FARSB: variants seen among roughly 807,000 people sequenced by gnomAD.
FARSB encodes the protein phenylalanine--tRNA ligase beta subunit.
FARSB carries 40 observed loss-of-function variants against 69.6 expected under a neutral mutation model. That is an observed-to-expected ratio of 0.57 (90% CI 0.45 to 0.75). FARSB has a LOEUF of 0.75. FARSB is among the 30% of genes least tolerant of loss of function. The pLI, the probability that FARSB is intolerant of heterozygous loss-of-function variation, is 0.00. For synonymous variants in FARSB, 235 were observed against 247.2 expected, an observed-to-expected ratio of 0.95 and a Z score of 0.46; for missense variants, 632 against 722.9, an observed-to-expected ratio of 0.87 and a Z score of 1.44.
At chr2:222,628,797 A>C in intron 10 of FARSB, 40 bp downstream of exon 10, 1 of 1,360,278 alleles carries the variant, frequency 7.4e-7, no homozygotes, top group Non-Finnish European at 1.0e-6. Context: ...TATTATTAGC[A>C]TTGTTGTCAT....
rs1362807015 is a variant in FARSB at position 222,571,422 on chromosome 2, C to T, written c.*449G>A. 6.6e-6 allele frequency: 1 copy of T among 152,408 alleles called. No homozygotes were observed. Among genetic ancestry groups the T allele is most frequent in the East Asian group, 1.9e-4 (1 of 5,204 alleles). 9.4% of individuals were successfully genotyped at this position (152,408 alleles called of 1,614,324 possible). A position where few individuals can be genotyped will look rare whatever the true frequency, so the allele number is the denominator to read the frequency against. Reference sequence around the variant, plus strand: ...TTTTAGTGTTTCTCAATGATGAATACATGTCAAATGTAGAAAATCAAAGCT... The same window carrying T: ...TTTTAGTGTTTCTCAATGATGAATATATGTCAAATGTAGAAAATCAAAGCT... On this transcript the variant is annotated 3_prime_UTR_variant, in exon 17 of 17. Coordinates refer to ENST00000281828, the MANE Select transcript of FARSB (RefSeq NM_005687.5).
chr2:222,620,688 C>T (rs1340138516), intron 13 of FARSB, among the ~76,000 whole-genome samples: 1 of 152,176 alleles, frequency 6.6e-6, no homozygotes, highest in Admixed American at 6.5e-5. Flanking sequence ...TTAATGCTAG[C>T]TTTTTGAAAA....
chr2:222,591,005 A>T (rs1353285312), intron 16 of FARSB, among the ~76,000 whole-genome samples: 1 of 152,176 alleles, frequency 6.6e-6, no homozygotes, highest in Non-Finnish European at 1.5e-5. Flanking sequence ...AGATAAACTC[A>T]ATAAACTCAT....
At chr2:222,644,332 A>G (rs1243475650) in intron 2 of FARSB, among the ~76,000 whole-genome samples, 1 of 152,112 alleles carries the variant, frequency 6.6e-6, no homozygotes, top group African/African-American at 2.4e-5. Flanking sequence ...TCTCAAACTT[A>G]GGAGGCAAAT....
At chr2:222,610,585 G>A (rs1690823277) in intron 15 of FARSB, among the ~76,000 whole-genome samples, 1 of 152,066 alleles carries the variant, frequency 6.6e-6, no homozygotes, top group Admixed American at 6.6e-5. Flanking sequence ...GGCCCCAAGT[G>A]CCTCAGCAAG....
intron 9 of FARSB, 43 bp downstream of exon 9, chr2:222,630,070 T>A: frequency 8.1e-7 from 1 of 1,227,540 alleles, no homozygotes; most frequent in Admixed American, 2.0e-5. Flanking sequence ...AAGCCTCGCC[T>A]TCAGAACAAT....
chr2:222,651,988 C>A (rs182682574), intron 1 of FARSB, among the ~76,000 whole-genome samples: 1 of 152,316 alleles, frequency 6.6e-6, no homozygotes, highest in East Asian at 1.9e-4. Flanking sequence ...CCACTTGATT[C>A]CAGAATTGCC....
rs1159034755 is a variant in FARSB at position 222,568,849 on chromosome 2, AAAAC to A, written c.*3018_*3021del. The A allele has an allele frequency of 6.6e-6, 1 of 152,352 alleles. No individual in the cohort carries two copies. Among genetic ancestry groups the A allele is most frequent in the Non-Finnish European group, 1.5e-5 (1 of 68,154 alleles). 9.4% of individuals were successfully genotyped at this position (152,352 alleles called of 1,614,324 possible). On this transcript the variant is annotated 3_prime_UTR_variant, in exon 17 of 17. Transcript: ENST00000281828. The surrounding 1 kb of genome is among the most constrained non-coding windows in gnomAD (Gnocchi z 4.3). Reference sequence around the variant, plus strand: ...AGCGAGACTCCGTCTAAAAAAACAAAAAACAAACAAAACTAGAAGAGCACTGCAG... The same window carrying A: ...AGCGAGACTCCGTCTAAAAAAACAAAAAACAAAACTAGAAGAGCACTGCAG...
chr2:222,634,516 T>C lies in FARSB; in HGVS notation c.481A>G (p.Thr161Ala). The C allele has an allele frequency of 6.2e-7, 1 of 1,612,900 alleles. No homozygotes were observed. ...CCCGACAAAGTGTCCAAATCATGGG[T>C]ACCAATGGCAACCAGTGCTCTTTTC... is the stretch of plus-strand genomic sequence containing the variant. ...CRKRALVAIG[T>A]HDLDTLSGPF... The change falls in exon 6 of 17, where the codon ACC (threonine) becomes GCC (alanine). Residue 161 changes from threonine to alanine, a missense_variant. Thr to Ala is a moderately conservative substitution (Grantham distance 58). Transcript: ENST00000281828.
Position 222,648,858 on chromosome 2 carries a change from C to A in FARSB, c.59-63G>T, listed in dbSNP as rs1277336826. 4.8e-6 allele frequency: 5 copies of A among 1,050,314 alleles called. No homozygotes were observed. The African/African-American group carries it at 7.8e-5, about 16-fold the overall frequency. The allele number at this position is 1,050,314 out of a possible 1,614,324, so 65.1% of individuals were successfully genotyped here. ...GTTCAGTATAAGTGAAAACTACATA[C>A]AAACTGCATTTTCTTATTACTAATT... On this transcript the variant is annotated intron_variant, in intron 1 of 16. Coordinates refer to ENST00000281828, the MANE Select transcript of FARSB (RefSeq NM_005687.5).
intron 16 of FARSB, among the ~76,000 whole-genome samples, chr2:222,595,728 T>C (rs1392101549): frequency 6.6e-6 from 1 of 152,066 alleles, no homozygotes; most frequent in East Asian, 1.9e-4. Flanking sequence ...ACAAAGCCCA[T>C]ACATTCTACA....
In FARSB at chr2:222,609,358, A is replaced by G. The variant is rs565738766; in HGVS notation, c.1462+4453T>C. ...TTAGTTGTTCCTGACATTTAACAGA[A>G]AAAATTAAAATGTTAAGGATTTAAA... On this transcript the variant is annotated intron_variant, in intron 15 of 16. Transcript: ENST00000281828. Among the ~76,000 whole-genome samples the G allele has an allele frequency of 3.3e-5, 5 of 152,344 alleles. No homozygotes were observed. In the South Asian group the frequency reaches 1.0e-3, roughly 32 times the overall value.
At chr2:222,634,282 ACTG>A in intron 6 of FARSB, 106 bp downstream of exon 6, 1 of 698,228 alleles carries the variant, frequency 1.4e-6, no homozygotes, top group Non-Finnish European at 2.3e-6. Flanking sequence ...GAGTCCAGAC[ACTG>A]CTATTTTTTA....
intron 1 of FARSB, among the ~76,000 whole-genome samples, chr2:222,651,749 G>T (rs998371202): frequency 3.3e-5 from 5 of 152,232 alleles, no homozygotes; most frequent in African/African-American, 1.2e-4. Flanking sequence ...TACATATGCA[G>T]AAGCATTGCC....
intron 15 of FARSB, among the ~76,000 whole-genome samples, chr2:222,600,403 C>A (rs958529256): frequency 1.1e-4 from 16 of 152,230 alleles, no homozygotes; most frequent in African/African-American, 3.9e-4. Context: ...AAGCTTCATA[C>A]TCTCTTATTC....
chr2:222,582,824 C>G (rs1189554980), intron 16 of FARSB, among the ~76,000 whole-genome samples: 1 of 151,536 alleles, frequency 6.6e-6, no homozygotes, highest in Admixed American at 6.6e-5. Flanking sequence ...ACTCGGGAGG[C>G]TGAGGCAGGA....
intron 15 of FARSB, among the ~76,000 whole-genome samples, chr2:222,609,245 G>T (rs62188511): frequency 1.2e-4 from 19 of 152,194 alleles, no homozygotes; most frequent in Non-Finnish European, 2.6e-4. Flanking sequence ...AAATACAGTT[G>T]CTTTTCTGGG....
At chr2:222,606,268 A>C (rs1000994815) in intron 15 of FARSB, among the ~76,000 whole-genome samples, 2 of 152,186 alleles carry the variant, frequency 1.3e-5, no homozygotes, top group African/African-American at 4.8e-5. Flanking sequence ...AAATAACCAC[A>C]AACTTATTTC....
At chr2:222,581,552 T>C (rs570708856) in intron 16 of FARSB, among the ~76,000 whole-genome samples, 17 of 152,250 alleles carry the variant, frequency 1.1e-4, no homozygotes, top group Middle Eastern at 6.8e-3. Flanking sequence ...ATCTTGCTTG[T>C]TAGAAATAAA....
Sources: gnomAD v4.1 joint callset for allele counts (sites outside exome capture counted in the v4.1 genomes callset) on GRCh38, gnomAD v4.1.1 for gene constraint, Gnocchi (gnomAD v3.1) non-coding constraint, MANE v1.5 for transcripts, NCBI Gene and HGNC (gene_info 2026-07-23, HGNC 2026-07-21) for gene names.